EMC10: variants seen among roughly 807,000 people sequenced by gnomAD.
The protein encoded by EMC10 is ER membrane protein complex subunit 10.
A neutral mutation model predicts 32.2 loss-of-function variants in EMC10; 40 were observed. That is an observed-to-expected ratio of 1.24 (90% CI 0.96 to 1.61). The LOEUF is 1.61. Among genes scored for constraint, EMC10 ranks in the 40% most tolerant of loss-of-function variants. The pLI is 0.00. For missense variants in EMC10, 402 were observed against 357.7 expected, an observed-to-expected ratio of 1.12 and a Z score of -1.00; for synonymous variants, 178 against 158.4, an observed-to-expected ratio of 1.12 and a Z score of -0.93.
Position 50,479,029 on chromosome 19 carries a change from A to G in EMC10, c.260A>G (p.Gln87Arg). The change falls in exon 3 of 7, where the codon CAG becomes CGG. Residue 87 changes from glutamine (Q) to arginine (R), a missense_variant. Physicochemically the swap from Gln to Arg is conservative, Grantham distance 43. Transcript: ENST00000334976. ...CAGGATGGTACCTTGTCCCTGTCAC[A>G]GCGGCAGCTCAGCGAGGAGGAGCGG... ...NQQDGTLSLS[Q>R]RQLSEEERGR... The G allele has an allele frequency of 6.2e-7, 1 of 1,610,346 alleles. No individual in the cohort carries two copies. The highest frequency in any genetic ancestry group is 8.5e-7 in the Non-Finnish European group (1 of 1,179,198).
At position 50,480,678 on chromosome 19, in the gene EMC10, G is replaced by T; in HGVS notation, c.500G>T (p.Gly167Val). 1 of 1,601,606 alleles carries T rather than the reference G, an allele frequency of 6.2e-7. No individual in the cohort carries two copies. Among genetic ancestry groups the T allele is most frequent in the South Asian group, 1.1e-5 (1 of 88,998 alleles). Reference protein sequence around the residue: ...VGVSVVTHPGGCRGHEVEDVD... With the variant: ...VGVSVVTHPGVCRGHEVEDVD... ...GTGTCGGTGGTGACGCACCCCGGGG[G>T]CTGCCGGGGCCATGAGGTGGAGGAC... is the stretch of plus-strand genomic sequence containing the variant. The change falls in exon 5 of 7, where the codon GGC becomes GTC. Residue 167 changes from glycine to valine, a missense_variant. Coordinates refer to ENST00000334976, the MANE Select transcript of EMC10 (RefSeq NM_206538.4). The surrounding 1 kb of genome is among the most constrained non-coding windows in gnomAD (Gnocchi z 4.4).
At position 50,482,169 on chromosome 19, in the gene EMC10, C is replaced by T. The variant is rs767411246; in HGVS notation, c.699C>T (p.Val233=). 3.5e-5 allele frequency: 55 copies of T among 1,560,372 alleles called. No individual in the cohort carries two copies. Among genetic ancestry groups the T allele is most frequent in the Admixed American group, 1.4e-4 (8 of 58,692 alleles). Residue 233 remains valine, a synonymous_variant, in exon 7 of 7, where the codon GTC becomes GTT. Transcript: ENST00000334976. ...TGCAGTGGATGTACATCATTCCCGT[C>T]GTCCTGTTCCTCATGATGTCAGGAG... ...FAKYWMYIIP[V]VLFLMMSGAP...
In EMC10 at chr19:50,480,840, T is replaced by C. The variant is rs1218717298; in HGVS notation, c.585-44T>C. The stretch of plus-strand genomic sequence containing the variant: ...GGCGGCCTCAGGGTCTCCAGGTCCC[T>C]GGACTCCGGGCCTCACCCTTCTCCT... On this transcript the variant is annotated intron_variant, in intron 5 of 6. Coordinates refer to ENST00000334976, the MANE Select transcript of EMC10 (RefSeq NM_206538.4). The surrounding 1 kb of genome is among the most constrained non-coding windows in gnomAD (Gnocchi z 4.4). 3 of 1,572,630 alleles carry C rather than the reference T, an allele frequency of 1.9e-6. No homozygotes were observed. The highest frequency in any genetic ancestry group is 2.3e-5 in the South Asian group (2 of 86,032).
rs1978419488 is a variant in EMC10, at chr19:50,487,755, A to C, written c.*5496A>C. The C allele has an allele frequency of 6.5e-6, 1 of 152,706 alleles. No homozygotes were observed. The highest frequency in any genetic ancestry group is 6.6e-5 in the Admixed American group (1 of 15,254). The allele number at this position is 152,706 out of a possible 1,614,324, so 9.5% of individuals were successfully genotyped here. ...CCCGGGAGGGAGGCCAGTGGGAGTG[A>C]GAGCTTGAAGGAGAGAGAGCCAGGA... On this transcript the variant is annotated 3_prime_UTR_variant, in exon 7 of 7. Coordinates refer to ENST00000334976, the MANE Select transcript of EMC10 (RefSeq NM_206538.4).
At chr19:50,482,075 G>A in intron 6 of EMC10, 74 bp from the exon 7 acceptor site, 1 of 1,401,850 alleles carries the variant, frequency 7.1e-7, no homozygotes, top group Non-Finnish European at 1.0e-6. Flanking sequence ...GTGGGTGGGT[G>A]ATGCCCACAC....
Position 50,482,427 on chromosome 19 carries a change from G to A in EMC10, c.*168G>A, listed in dbSNP as rs2040337464. ...TTGTCCTCTGCCTTCTGCTGGCAGA[G>A]GAGCAGCTGGACTGGGGCCTTTGGC... On this transcript the variant is annotated 3_prime_UTR_variant, in exon 7 of 7. Coordinates refer to ENST00000334976, the MANE Select transcript of EMC10 (RefSeq NM_206538.4). 4 of 594,196 alleles carry A rather than the reference G, an allele frequency of 6.7e-6. No individual in the cohort carries two copies. Among genetic ancestry groups the A allele is most frequent in the Non-Finnish European group, 1.2e-5 (4 of 333,642 alleles). 36.8% of individuals were successfully genotyped at this position (594,196 alleles called of 1,614,324 possible).
intron 6 of EMC10, 85 bp from the exon 7 acceptor site, chr19:50,482,064 C>A: frequency 7.0e-7 from 1 of 1,436,122 alleles, no homozygotes; most frequent in Non-Finnish European, 9.8e-7. Context: ...CGGTCCCCAC[C>A]GTGGGTGGGT....
Position 50,483,005 on chromosome 19 carries a change from A to C in EMC10, c.*746A>C. ...TGGAGTCAAAGCCCAGACACTGTAA[A>C]TAGAACCCCCTCCACCACCCCCCGC... is the stretch of plus-strand genomic sequence containing the variant. On this transcript the variant is annotated 3_prime_UTR_variant, in exon 7 of 7. Transcript: ENST00000334976. The C allele has an allele frequency of 1.7e-6, 1 of 584,858 alleles. No homozygotes were observed. The highest frequency in any genetic ancestry group is 3.6e-5 in the East Asian group (1 of 27,962). The allele number at this position is 584,858 out of a possible 1,614,324, so 36.2% of individuals were successfully genotyped here.
Position 50,476,524 on chromosome 19 carries a change from C to A in EMC10, c.-21C>A, listed in dbSNP as rs577674823. The A allele has an allele frequency of 1.9e-6, 3 of 1,569,206 alleles. No individual in the cohort carries two copies. Among genetic ancestry groups the A allele is most frequent in the African/African-American group, 2.7e-5 (2 of 73,736 alleles). On this transcript the variant is annotated 5_prime_UTR_variant, in exon 1 of 7. Transcript: ENST00000334976. ...GGCTCTTGGCTCACAGCCGTCCCTT[C>A]GCTGGTGGGAAGAAGCCGAGATGGC...
In EMC10 at chr19:50,481,690, G is replaced by A. The variant is rs781577465; in HGVS notation, c.679-459G>A. 302 of 602,320 alleles carry A rather than the reference G, an allele frequency of 5.0e-4. 2 individuals are homozygous for A. The highest frequency in any genetic ancestry group is 1.4e-3 in the Admixed American group (43 of 30,404). 37.3% of individuals were successfully genotyped at this position (602,320 alleles called of 1,614,324 possible). A position where few individuals can be genotyped will look rare whatever the true frequency, so the allele number is the denominator to read the frequency against. The stretch of plus-strand genomic sequence containing the variant: ...AGTGCCCTGCCTGAGGGCCTCACCC[G>A]CTCCGCCTGGATAGTCCAACAGTTG... On this transcript the variant is annotated intron_variant, in intron 6 of 6. Transcript: ENST00000334976.
chr19:50,476,857 G>A (rs2040233100), intron 1 of EMC10, 199 bp downstream of exon 1: 2 of 475,054 alleles, frequency 4.2e-6, no homozygotes, highest in Non-Finnish European at 7.4e-6. Flanking sequence ...CTGGGTGGGA[G>A]GACAAGCGCA....
Position 50,478,996 on chromosome 19 carries a change from GGAACC to G in EMC10, c.228_232del (p.Trp76Ter). 6.2e-7 allele frequency: 1 copy of G among 1,611,436 alleles called. No individual in the cohort carries two copies. The highest frequency in any genetic ancestry group is 1.1e-5 in the South Asian group (1 of 90,680). On this transcript the variant is annotated stop_gained and frameshift_variant, in exon 3 of 7. Transcript: ENST00000334976. LOFTEE classifies it high-confidence loss of function. The stretch of plus-strand genomic sequence containing the variant: ...TTCCGGAAGCGGGGCTCACTGCTCT[GGAACC>G]AGCAGGATGGTACCTTGTCCCTGTC...
rs764068771 is a variant in EMC10, at chr19:50,478,976, G to A, written c.207G>A (p.Arg69=). Residue 69 remains arginine, a synonymous_variant, in exon 3 of 7, where the codon CGG becomes CGA. Transcript: ENST00000334976. ...TCACAGATGACAGTGCCAACTTCCG[G>A]AAGCGGGGCTCACTGCTCTGGAACC... The part of the protein sequence containing the change: ...SFEIDDSANF[R]KRGSLLWNQQ... 48 of 1,610,078 alleles carry A rather than the reference G, an allele frequency of 3.0e-5. No individual in the cohort carries two copies. The highest frequency in any genetic ancestry group is 2.0e-4 in the Middle Eastern group (1 of 4,976).
rs2040322037 is a variant in EMC10, at chr19:50,481,728, C to G, written c.679-421C>G. ...AGTCCAACAGTTGTGCTGCAGGGAA[C>G]TGAGGCCCAGAGGCTGAGCCCTTGC... On this transcript the variant is annotated intron_variant, in intron 6 of 6. Coordinates refer to ENST00000334976, the MANE Select transcript of EMC10 (RefSeq NM_206538.4). 5 of 721,656 alleles carry G rather than the reference C, an allele frequency of 6.9e-6. No homozygotes were observed. The East Asian group carries it at 1.4e-4, about 20-fold the overall frequency. 44.7% of individuals were successfully genotyped at this position (721,656 alleles called of 1,614,324 possible). A position where few individuals can be genotyped will look rare whatever the true frequency, so the allele number is the denominator to read the frequency against.
At position 50,482,702 on chromosome 19, in the gene EMC10, G is replaced by A. The variant is rs554191624; in HGVS notation, c.*443G>A. The A allele has an allele frequency of 3.2e-5, 15 of 473,994 alleles. No individual in the cohort carries two copies. Among genetic ancestry groups the A allele is most frequent in the Admixed American group, 2.3e-4 (6 of 26,302 alleles). The allele number at this position is 473,994 out of a possible 1,614,324, so 29.4% of individuals were successfully genotyped here. On this transcript the variant is annotated 3_prime_UTR_variant, in exon 7 of 7. Coordinates refer to ENST00000334976, the MANE Select transcript of EMC10 (RefSeq NM_206538.4). ...GTGGTCCTGTCCAGGCTCCTGCAGC[G>A]CCCCCCTCACTTTGACACTGGACTA...
In EMC10 at chr19:50,483,200, G is replaced by A. The variant is rs868721149; in HGVS notation, c.*941G>A. 1.1e-5 allele frequency: 5 copies of A among 445,568 alleles called. No individual in the cohort carries two copies. Among genetic ancestry groups the A allele is most frequent in the Middle Eastern group, 3.3e-4 (1 of 3,054 alleles). 27.6% of individuals were successfully genotyped at this position (445,568 alleles called of 1,614,324 possible). A position where few individuals can be genotyped will look rare whatever the true frequency, so the allele number is the denominator to read the frequency against. On this transcript the variant is annotated 3_prime_UTR_variant, in exon 7 of 7. Coordinates refer to ENST00000334976, the MANE Select transcript of EMC10 (RefSeq NM_206538.4). ...AAAGCAACTGTTGTTTTGGCAAGAC[G>A]GTCCTGATGTACAAGCTTGATTGAA...
At position 50,483,094 on chromosome 19, in the gene EMC10, C is replaced by T. The variant is rs1421739588; in HGVS notation, c.*835C>T. ...CTGCGGGCCTTTGCTGTGTGCCACCCTCCCTGTAAGTCTATTTAAAAACAT... is the reference window on the plus strand; with the variant it reads ...CTGCGGGCCTTTGCTGTGTGCCACCTTCCCTGTAAGTCTATTTAAAAACAT... On this transcript the variant is annotated 3_prime_UTR_variant, in exon 7 of 7. Coordinates refer to ENST00000334976, the MANE Select transcript of EMC10 (RefSeq NM_206538.4). 4.0e-6 allele frequency: 2 copies of T among 503,744 alleles called. No homozygotes were observed. The highest frequency in any genetic ancestry group is 3.9e-5 in the African/African-American group (2 of 51,890). 31.2% of individuals were successfully genotyped at this position (503,744 alleles called of 1,614,324 possible). A position where few individuals can be genotyped will look rare whatever the true frequency, so the allele number is the denominator to read the frequency against.
chr19:50,476,908 C>T, intron 1 of EMC10: 1 of 360,848 alleles, frequency 2.8e-6, no homozygotes, highest in Non-Finnish European at 5.0e-6. Flanking sequence ...TATGAGGGGG[C>T]GGGGCTGGGG....
rs1412195822 is a variant in EMC10, at chr19:50,477,971, G to T, written c.157G>T (p.Gly53Trp). Residue 53 changes from glycine (G) to tryptophan (W), a missense_variant, in exon 2 of 7, where the codon GGG becomes TGG. Coordinates refer to ENST00000334976, the MANE Select transcript of EMC10 (RefSeq NM_206538.4). The part of the protein sequence containing the change: ...GREGEACGTV[G>W]LLLEHSFEID... ...AGAGGGCGAGGCCTGTGGCACGGTG[G>T]GGCTGCTGCTGGAGCACTCATTTGA... 6.2e-7 allele frequency: 1 copy of T among 1,602,808 alleles called. No individual in the cohort carries two copies. The highest frequency in any genetic ancestry group is 1.1e-5 in the South Asian group (1 of 89,476).
Sources: allele counts gnomAD v4.1 joint callset, GRCh38; gene constraint gnomAD v4.1.1; non-coding constraint Gnocchi (gnomAD v3.1); transcripts MANE v1.5; gene names NCBI Gene and HGNC (gene_info 2026-07-23, HGNC 2026-07-21).